The following TMEM132D variants were observed in gnomAD, a reference collection of about 807,000 sequenced individuals.
TMEM132D encodes transmembrane protein 132D.
In TMEM132D, 21 loss-of-function variants were observed where a neutral mutation model predicts 62.3. The ratio of observed to expected loss-of-function variants is 0.34; its 90% CI spans 0.24 to 0.49. The LOEUF is 0.49. Among genes scored for constraint, TMEM132D ranks in the 20% least tolerant of loss-of-function variants. TMEM132D has a pLI of 0.99. For synonymous variants in TMEM132D, 621 were observed against 575.6 expected (o/e 1.08, Z -1.13); for missense variants, 1,346 against 1,402.8 (o/e 0.96, Z 0.65).
At chr12:129,193,217 G>A (rs1565993422) in intron 5 of TMEM132D, among the ~76,000 whole-genome samples, 1 of 151,584 alleles carries the variant, frequency 6.6e-6, no homozygotes, top group African/African-American at 2.4e-5. Flanking sequence ...CACTCTGTAT[G>A]TGATACAGTG....
intron 5 of TMEM132D, among the ~76,000 whole-genome samples, chr12:129,199,822 C>G (rs2135560552): frequency 6.6e-6 from 1 of 152,186 alleles, no homozygotes; most frequent in Admixed American, 6.5e-5. Flanking sequence ...TGGGAAAGAC[C>G]CGCCCCCACG....
chr12:129,861,546 A>T (rs1873896792), intron 1 of TMEM132D, among the ~76,000 whole-genome samples: 5 of 152,212 alleles, frequency 3.3e-5, no homozygotes, highest in Admixed American at 3.3e-4. Context: ...GAATCACCTG[A>T]GGACAGTAGT....
At chr12:129,803,266 C>T (rs901667782) in intron 1 of TMEM132D, among the ~76,000 whole-genome samples, 4 of 145,516 alleles carry the variant, frequency 2.7e-5, no homozygotes, top group African/African-American at 1.0e-4. Flanking sequence ...ACACCTATTC[C>T]GAAATTGACC....
intron 4 of TMEM132D, among the ~76,000 whole-genome samples, chr12:129,330,598 T>C (rs1300406527): frequency 1.3e-5 from 2 of 152,134 alleles, no homozygotes; most frequent in Non-Finnish European, 2.9e-5. Context: ...GGTGGCATTG[T>C]AAGAGGAGGC....
In TMEM132D at chr12:129,664,791, G is replaced by A. The variant is rs567097444; in HGVS notation, c.968+35019C>T. ...GAGAAGGTAGAAATCCTTAATTTTG[G>A]TTGGTTCTGAAATACTGTGGAATAA... On this transcript the variant is annotated intron_variant, in intron 2 of 8. Transcript: ENST00000422113. Among the ~76,000 whole-genome samples, 3 of 152,104 alleles carry A rather than the reference G, an allele frequency of 2.0e-5. No homozygotes were observed. The South Asian group carries it at 6.2e-4, about 32-fold the overall frequency.
At chr12:129,853,117 T>G (rs1345265986) in intron 1 of TMEM132D, 1 of 152,132 alleles carries the variant, frequency 6.6e-6, no homozygotes, top group Non-Finnish European at 1.5e-5. Flanking sequence ...GAAAGGCCTG[T>G]GGAAAAGCCG....
chr12:129,154,033 G>A (rs1026485328), intron 5 of TMEM132D, among the ~76,000 whole-genome samples: 5 of 152,096 alleles, frequency 3.3e-5, no homozygotes, highest in African/African-American at 1.2e-4. Flanking sequence ...ATCTTCTCTG[G>A]AAATCACAAT....
chr12:129,230,425 G>A (rs1215434287), intron 4 of TMEM132D, among the ~76,000 whole-genome samples: 1 of 152,236 alleles, frequency 6.6e-6, no homozygotes, highest in African/African-American at 2.4e-5. Flanking sequence ...TGAAAATCAT[G>A]GGGACTTGGA....
intron 3 of TMEM132D, among the ~76,000 whole-genome samples, chr12:129,502,226 C>T (rs1472259985): frequency 6.6e-6 from 1 of 151,918 alleles, no homozygotes; most frequent in African/African-American, 2.4e-5. Context: ...GTCTTGATCT[C>T]CTGACCTCGT....
chr12:129,302,116 A>AT (rs1452852809), intron 4 of TMEM132D, among the ~76,000 whole-genome samples: 2 of 152,036 alleles, frequency 1.3e-5, no homozygotes, highest in Non-Finnish European at 2.9e-5. Context: ...CTGCCACTTT[A>AT]TTTTTTTATT....
At chr12:129,816,455 T>G (rs1396311761) in intron 1 of TMEM132D, among the ~76,000 whole-genome samples, 4 of 152,150 alleles carry the variant, frequency 2.6e-5, no homozygotes, top group African/African-American at 9.7e-5. Context: ...CTGGGCCTAT[T>G]TATTGCAAAA....
Position 129,744,749 on chromosome 12 carries a change from A to C in TMEM132D, c.80-44051T>G, listed in dbSNP as rs565937704. On this transcript the variant is annotated intron_variant, in intron 1 of 8. Coordinates refer to ENST00000422113, the MANE Select transcript of TMEM132D (RefSeq NM_133448.3). ...TCTAGGTCCTGAGCAAACGCAAATGAGTAGAAAAGGCCTCAACTGGAGATT... is the reference window on the plus strand; with the variant it reads ...TCTAGGTCCTGAGCAAACGCAAATGCGTAGAAAAGGCCTCAACTGGAGATT... Among the ~76,000 whole-genome samples, 65 of 152,290 alleles carry C rather than the reference A, an allele frequency of 4.3e-4. 1 individual carries two copies. The highest frequency in any genetic ancestry group is 1.5e-3 in the African/African-American group (62 of 41,562).
At chr12:129,238,365 C>G (rs1879842136) in intron 4 of TMEM132D, among the ~76,000 whole-genome samples, 1 of 152,166 alleles carries the variant, frequency 6.6e-6, no homozygotes, top group Non-Finnish European at 1.5e-5. Flanking sequence ...TCCAATTTAA[C>G]CATTTTCAAG....
chr12:129,739,845 C>A (rs141580793), intron 1 of TMEM132D, among the ~76,000 whole-genome samples: 2 of 152,178 alleles, frequency 1.3e-5, no homozygotes, highest in African/African-American at 4.8e-5. Context: ...ATGGCATTGA[C>A]CCTTCTCCAT....
intron 1 of TMEM132D, among the ~76,000 whole-genome samples, chr12:129,877,385 C>T (rs1874450817): frequency 6.6e-6 from 1 of 151,974 alleles, no homozygotes; most frequent in African/African-American, 2.4e-5. Context: ...CAAGAATCCA[C>T]CTGATCAACA....
chr12:129,780,639 G>A (rs971181386), intron 1 of TMEM132D, among the ~76,000 whole-genome samples: 5 of 152,074 alleles, frequency 3.3e-5, no homozygotes, highest in Admixed American at 1.3e-4. Context: ...ATGGGAAGGC[G>A]GGGCAAAGAC....
intron 2 of TMEM132D, among the ~76,000 whole-genome samples, chr12:129,657,559 T>C (rs1389261717): frequency 6.6e-6 from 1 of 152,250 alleles, no homozygotes; most frequent in African/African-American, 2.4e-5. Flanking sequence ...AAATAAATGC[T>C]GAAGGTCATC....
chr12:129,332,187 GCCTC>G (rs893310422), intron 4 of TMEM132D, among the ~76,000 whole-genome samples: 1 of 152,050 alleles, frequency 6.6e-6, no homozygotes, highest in African/African-American at 2.4e-5. Context: ...CTCAGAATTT[GCCTC>G]CCTAAAAACA....
intron 2 of TMEM132D, among the ~76,000 whole-genome samples, chr12:129,546,053 C>A (rs1488141987): frequency 2.0e-5 from 3 of 152,098 alleles, no homozygotes; most frequent in Admixed American, 1.3e-4. Flanking sequence ...TGCAATGGGG[C>A]ACTCTGTTAG....
Sources: allele counts gnomAD v4.1 joint callset (sites outside exome capture counted in the v4.1 genomes callset), GRCh38; gene constraint gnomAD v4.1.1; transcripts MANE v1.5; gene names NCBI Gene and HGNC (gene_info 2026-07-23, HGNC 2026-07-21).